The following APC variants were observed in gnomAD, a reference collection of about 807,000 sequenced individuals.
APC encodes the protein APC regulator of Wnt signaling pathway.
APC carries 72 observed loss-of-function variants against 247.0 expected under a neutral mutation model. The observed-to-expected ratio is 0.29, with a 90% CI of 0.24 to 0.35. APC has a LOEUF of 0.35. Among genes scored for constraint, APC ranks in the 10% least tolerant of loss-of-function variants. The probability of loss-of-function intolerance (pLI) is 1.00; values close to 1 mark genes in which losing one functional copy is unlikely to be tolerated. For synonymous variants in APC, 1,254 were observed against 1,162.5 expected (o/e 1.08, Z -1.60); for missense variants, 3,400 against 3,360.7 (o/e 1.01, Z -0.29).
chr5:112,840,010 A>T lies in APC; in HGVS notation c.4416A>T (p.Val1472=), dbSNP rs773352404. ...AGAGTGGACCTAAGCAAGCTGCAGT[A>T]AATGCTGCAGTTCAGAGGGTCCAGG... ...KRESGPKQAA[V]NAAVQRVQVL... The change falls in exon 16 of 16, where the codon GTA becomes GTT. Residue 1472 remains valine (V), a synonymous_variant. Coordinates refer to ENST00000257430, the MANE Select transcript of APC (RefSeq NM_000038.6). This position sits in a 1 kb window ranked among gnomAD's most constrained non-coding sequence, Gnocchi z 4.1. 1.0e-4 allele frequency: 165 copies of T among 1,614,056 alleles called. 1 individual carries two copies. Among genetic ancestry groups the T allele is most frequent in the Non-Finnish European group, 1.4e-4 (163 of 1,180,038 alleles).
At chr5:112,764,233 G>T (rs1369464242) in intron 2 of APC, among the ~76,000 whole-genome samples, 2 of 139,360 alleles carry the variant, frequency 1.4e-5, no homozygotes, top group Non-Finnish European at 3.1e-5. Context: ...GCGACAGAGC[G>T]AGACTCCGTC....
intron 15 of APC, among the ~76,000 whole-genome samples, chr5:112,836,176 C>CCGCCCCCCCCCCCG: frequency 2.4e-5 from 2 of 82,066 alleles, no homozygotes; most frequent in Non-Finnish European, 5.8e-5. Flanking sequence ...CCCCCCCCCC[C>CCGCCCCCCCCCCCG]CCCGCCACCG....
chr5:112,722,868 A>G (rs535369157), intron 1 of APC, among the ~76,000 whole-genome samples: 1 of 152,132 alleles, frequency 6.6e-6, no homozygotes, highest in East Asian at 2.0e-4. Flanking sequence ...TTGGCTTTTT[A>G]TGGAGGCCTC....
intron 1 of APC, among the ~76,000 whole-genome samples, chr5:112,711,610 T>A (rs1750853141): frequency 6.6e-6 from 1 of 152,190 alleles, no homozygotes; most frequent in Admixed American, 6.5e-5. Context: ...ATCCCAGCAG[T>A]TTTGGAAGGC....
In APC at chr5:112,835,049, A is replaced by G. The variant is rs1057520424; in HGVS notation, c.1842A>G (p.Ala614=). ...ADICAVDGAL[A]FLVGTLTYRS... Reference sequence around the variant, plus strand: ...TATGTGCTGTAGATGGTGCACTTGCATTTTTGGTTGGCACTCTTACTTACC... The same window carrying G: ...TATGTGCTGTAGATGGTGCACTTGCGTTTTTGGTTGGCACTCTTACTTACC... Residue 614 remains alanine, a synonymous_variant, in exon 15 of 16, where the codon GCA becomes GCG. Transcript: ENST00000257430. 1.9e-6 allele frequency: 3 copies of G among 1,614,118 alleles called. No homozygotes were observed. The highest frequency in any genetic ancestry group is 1.7e-6 in the Non-Finnish European group (2 of 1,179,998).
Position 112,844,093 on chromosome 5 carries a change from C to G in APC, c.8499C>G (p.Arg2833=), listed in dbSNP as rs757921527. 1.4e-5 allele frequency: 22 copies of G among 1,611,722 alleles called. No individual in the cohort carries two copies. Among genetic ancestry groups the G allele is most frequent in the Non-Finnish European group, 1.9e-5 (22 of 1,179,424 alleles). ...CCAGTGGAACCCAAAGTCCTAAGCG[C>G]CATTCTGGGTCTTACCTTGTGACAT... is the stretch of plus-strand genomic sequence containing the variant. The part of the protein sequence containing the change: ...TESSGTQSPK[R]HSGSYLVTSV Residue 2833 remains arginine (R), a synonymous_variant, in exon 16 of 16, where the codon CGC becomes CGG. Coordinates refer to ENST00000257430, the MANE Select transcript of APC (RefSeq NM_000038.6).
intron 2 of APC, among the ~76,000 whole-genome samples, chr5:112,759,371 T>C (rs1044116920): frequency 1.3e-5 from 2 of 148,222 alleles, no homozygotes; most frequent in Non-Finnish European, 3.0e-5. Context: ...TTTTTTTTTT[T>C]TTTTTGAGAC....
At chr5:112,744,611 C>T (rs1245617736) in intron 1 of APC, among the ~76,000 whole-genome samples, 6 of 152,048 alleles carry the variant, frequency 3.9e-5, no homozygotes, top group Admixed American at 3.9e-4. Context: ...AGAAACTGAG[C>T]TGGGCCTTAA....
At chr5:112,751,197 A>G (rs1443338620) in intron 1 of APC, among the ~76,000 whole-genome samples, 4 of 152,084 alleles carry the variant, frequency 2.6e-5, no homozygotes, top group Admixed American at 2.0e-4. Context: ...AACATCTTAT[A>G]TATCTGTACT....
At chr5:112,836,180 G>GCCCCA (rs1245034300) in intron 15 of APC, among the ~76,000 whole-genome samples, 338 of 31,058 alleles carry the variant, frequency 0.011, 15 homozygotes, top group Non-Finnish European at 0.015. Flanking sequence ...CCCCCCCCCC[G>GCCCCA]CCACCGTGCC....
rs146819357 is a variant in APC at position 112,820,583 on chromosome 5, T to G, written c.1312+1239T>G. Among the ~76,000 whole-genome samples the G allele has an allele frequency of 1.2e-3, 177 of 152,312 alleles. 3 individuals are homozygous for G. The East Asian group carries it at 0.029, about 25-fold the overall frequency. Reference sequence around the variant, plus strand: ...TAGTAAGATTTTACTGGGAGAACATTGCCTTCCTGGATTGTTTCTTTGGCT... The same window carrying G: ...TAGTAAGATTTTACTGGGAGAACATGGCCTTCCTGGATTGTTTCTTTGGCT... On this transcript the variant is annotated intron_variant, in intron 10 of 15. Coordinates refer to ENST00000257430, the MANE Select transcript of APC (RefSeq NM_000038.6).
chr5:112,734,157 C>T (rs943407655), upstream of APC, among the ~76,000 whole-genome samples: 4 of 152,136 alleles, frequency 2.6e-5, no homozygotes, highest in Non-Finnish European at 4.4e-5. Flanking sequence ...TATGCCACTG[C>T]ACTCCAGCCT....
At chr5:112,748,510 T>G (rs571971300) in intron 1 of APC, among the ~76,000 whole-genome samples, 16 of 152,158 alleles carry the variant, frequency 1.1e-4, no homozygotes, top group Non-Finnish European at 2.4e-4. Flanking sequence ...TGACTGGAAG[T>G]GTGGATAGTA....
chr5:112,807,707 T>G (rs776217733), intron 8 of APC, among the ~76,000 whole-genome samples: 23 of 152,214 alleles, frequency 1.5e-4, no homozygotes, highest in Non-Finnish European at 2.9e-4. Context: ...TGGAAAATTT[T>G]AAACATTTAC....
chr5:112,757,510 A>G (rs945407585), intron 2 of APC, among the ~76,000 whole-genome samples: 3 of 152,094 alleles, frequency 2.0e-5, no homozygotes, highest in Non-Finnish European at 4.4e-5. Context: ...AAGCAGAAAG[A>G]TTGTTTGAGC....
intron 9 of APC, among the ~76,000 whole-genome samples, chr5:112,816,947 C>T (rs181408723): frequency 2.6e-5 from 4 of 152,036 alleles, no homozygotes; most frequent in Admixed American, 2.6e-4. Context: ...TGGCTCACTG[C>T]AACCCCCACC....
chr5:112,712,285 A>G (rs1356014151), intron 1 of APC, among the ~76,000 whole-genome samples: 1 of 152,040 alleles, frequency 6.6e-6, no homozygotes, highest in Non-Finnish European at 1.5e-5. Context: ...TTCCTCCTGT[A>G]TATGTCTATC....
At chr5:112,759,518 C>G (rs929161851) in intron 2 of APC, among the ~76,000 whole-genome samples, 2 of 151,798 alleles carry the variant, frequency 1.3e-5, no homozygotes, top group African/African-American at 4.8e-5. Flanking sequence ...CCACCACGCC[C>G]AGCTAATTTT....
Position 112,843,427 on chromosome 5 carries a change from A to G in APC, c.7833A>G (p.Thr2611=), listed in dbSNP as rs1057520909. The change falls in exon 16 of 16, where the codon ACA becomes ACG. Residue 2611 remains threonine, a synonymous_variant. Coordinates refer to ENST00000257430, the MANE Select transcript of APC (RefSeq NM_000038.6). The surrounding 1 kb of genome is among the most constrained non-coding windows in gnomAD (Gnocchi z 4.8). The part of the protein sequence containing the change: ...SKENQVSAKG[T]WRKIKENEFS... ...AAAACCAAGTATCCGCAAAAGGAAC[A>G]TGGAGAAAAATAAAAGAAAATGAAT... 5 of 1,613,428 alleles carry G rather than the reference A, an allele frequency of 3.1e-6. No homozygotes were observed. In the Admixed American group the frequency reaches 6.7e-5, roughly 22 times the overall value.
Sources: allele counts gnomAD v4.1 joint callset (sites outside exome capture counted in the v4.1 genomes callset), GRCh38; gene constraint gnomAD v4.1.1; non-coding constraint Gnocchi (gnomAD v3.1); transcripts MANE v1.5; gene names NCBI Gene and HGNC (gene_info 2026-07-23, HGNC 2026-07-21).